NR1H4: variants seen among roughly 807,000 people sequenced by gnomAD.
NR1H4 encodes bile acid receptor.
In NR1H4, 23 loss-of-function variants were observed where a neutral mutation model predicts 58.5. The observed-to-expected ratio is 0.39, with a 90% CI of 0.28 to 0.56. The LOEUF is 0.56. Ranked by LOEUF, NR1H4 falls within the 20% of genes least tolerant of loss-of-function variation. The probability of loss-of-function intolerance (pLI) is 0.58; values close to 1 mark genes in which losing one functional copy is unlikely to be tolerated. For missense variants in NR1H4, 487 were observed against 576.9 expected (o/e 0.84, Z 1.60); for synonymous variants, 214 against 198.0 (o/e 1.08, Z -0.68).
intron 4 of NR1H4, among the ~76,000 whole-genome samples, chr12:100,527,677 T>C (rs1215841637): frequency 6.6e-6 from 1 of 152,234 alleles, no homozygotes; most frequent in African/African-American, 2.4e-5. Context: ...TAATAGTATG[T>C]GATGTTCCCC....
intron 4 of NR1H4, among the ~76,000 whole-genome samples, chr12:100,521,295 A>C (rs1328497371): frequency 1.3e-5 from 2 of 152,226 alleles, no homozygotes; most frequent in African/African-American, 2.4e-5. Context: ...CAATTTTTGT[A>C]AGTAATAACT....
intron 9 of NR1H4, among the ~76,000 whole-genome samples, chr12:100,560,436 C>G (rs1014099454): frequency 1.3e-5 from 2 of 152,152 alleles, no homozygotes; most frequent in African/African-American, 4.8e-5. Context: ...CACTCCTGAA[C>G]CCAGCGAGAC....
At chr12:100,503,590 T>C (rs981087811) in intron 3 of NR1H4, 22 of 1,282,866 alleles carry the variant, frequency 1.7e-5, no homozygotes, top group Admixed American at 2.7e-5. Flanking sequence ...GTAACAGATG[T>C]CTGTCAAAGA....
At position 100,532,543 on chromosome 12, in the gene NR1H4, A is replaced by G. The variant is rs1234464449; in HGVS notation, c.531A>G (p.Arg177=). 4 of 1,614,236 alleles carry G rather than the reference A, an allele frequency of 2.5e-6. No homozygotes were observed. Among genetic ancestry groups the G allele is most frequent in the Non-Finnish European group, 2.5e-6 (3 of 1,180,018 alleles). ...GNCVMDMYMR[R]KCQECRLRKC... Reference sequence around the variant, plus strand: ...GTGTGATGGATATGTACATGCGAAGAAAGTGTCAAGAGTGTCGACTAAGGA... The same window carrying G: ...GTGTGATGGATATGTACATGCGAAGGAAGTGTCAAGAGTGTCGACTAAGGA... The change falls in exon 5 of 11, where the codon AGA becomes AGG. Residue 177 remains arginine, a synonymous_variant. Coordinates refer to ENST00000392986, the MANE Select transcript of NR1H4 (RefSeq NM_001206979.2).
At chr12:100,487,595 C>CTTTTTTTTTT (rs34694873) in intron 1 of NR1H4, among the ~76,000 whole-genome samples, 9 of 115,984 alleles carry the variant, frequency 7.8e-5, no homozygotes, top group Admixed American at 1.1e-4. Flanking sequence ...TCTTCTTCTT[C>CTTTTTTTTTT]TTTTTTTTTT....
intron 3 of NR1H4, among the ~76,000 whole-genome samples, chr12:100,502,610 G>A (rs542430152): frequency 6.6e-5 from 10 of 152,026 alleles, no homozygotes; most frequent in South Asian, 2.1e-4. Flanking sequence ...GAGGTACTGG[G>A]GTTTAAGGCT....
At chr12:100,542,505 T>C (rs753673370) in intron 9 of NR1H4, among the ~76,000 whole-genome samples, 1 of 152,208 alleles carries the variant, frequency 6.6e-6, no homozygotes, top group African/African-American at 2.4e-5. Flanking sequence ...TTCTGTGCAA[T>C]TTATCTTAGG....
chr12:100,529,642 C>T (rs916689793), intron 4 of NR1H4, among the ~76,000 whole-genome samples: 19 of 152,018 alleles, frequency 1.2e-4, no homozygotes, highest in African/African-American at 2.2e-4. Flanking sequence ...CTCATTTTTC[C>T]GAATGTCTTT....
intron 4 of NR1H4, among the ~76,000 whole-genome samples, chr12:100,526,890 A>G (rs572285764): frequency 1.3e-5 from 2 of 152,346 alleles, no homozygotes; most frequent in South Asian, 4.1e-4. Flanking sequence ...TCGAAAACAA[A>G]AATCCTATGT....
chr12:100,530,925 G>T (rs1336498086), intron 4 of NR1H4, among the ~76,000 whole-genome samples: 7 of 152,190 alleles, frequency 4.6e-5, no homozygotes, highest in Admixed American at 6.5e-5. Context: ...CACCCGAGAA[G>T]TTGAAAGGCA....
intron 1 of NR1H4, among the ~76,000 whole-genome samples, chr12:100,487,673 G>A (rs546821482): frequency 2.0e-5 from 3 of 149,054 alleles, no homozygotes; most frequent in East Asian, 2.0e-4. Flanking sequence ...GTGCAGTGGC[G>A]TGATCTCGAG....
chr12:100,554,624 G>A (rs1431182670), intron 9 of NR1H4, among the ~76,000 whole-genome samples: 2 of 151,886 alleles, frequency 1.3e-5, no homozygotes, highest in Admixed American at 1.3e-4. Flanking sequence ...AACAGGAGCA[G>A]AAACATAACA....
At chr12:100,520,943 C>T (rs1325199423) in intron 4 of NR1H4, among the ~76,000 whole-genome samples, 1 of 152,152 alleles carries the variant, frequency 6.6e-6, no homozygotes, top group Non-Finnish European at 1.5e-5. Context: ...ATTTATTCCT[C>T]TGAGCCTCAG....
intron 4 of NR1H4, among the ~76,000 whole-genome samples, chr12:100,527,426 A>G (rs543001823): frequency 2.0e-5 from 3 of 152,074 alleles, no homozygotes; most frequent in Non-Finnish European, 4.4e-5. Flanking sequence ...CCAGCTACTC[A>G]GGAGGCTGAG....
intron 9 of NR1H4, among the ~76,000 whole-genome samples, chr12:100,559,728 G>C (rs532258480): frequency 6.6e-6 from 1 of 152,184 alleles, no homozygotes; most frequent in African/African-American, 2.4e-5. Context: ...GCTCCACGGC[G>C]CCCAGTCCCA....
chr12:100,526,637 C>T (rs920404919), intron 4 of NR1H4, among the ~76,000 whole-genome samples: 2 of 152,186 alleles, frequency 1.3e-5, no homozygotes, highest in African/African-American at 4.8e-5. Context: ...AAGTGAACAA[C>T]TCAGCCACAG....
intron 9 of NR1H4, among the ~76,000 whole-genome samples, chr12:100,555,225 T>C (rs1955295332): frequency 6.6e-6 from 1 of 152,242 alleles, no homozygotes; most frequent in Admixed American, 6.5e-5. Flanking sequence ...AATCTTCATG[T>C]ACTATTTAAT....
At chr12:100,534,841 C>T (rs1372183098) in intron 5 of NR1H4, 49 bp from the exon 6 acceptor site, 8 of 1,611,580 alleles carry the variant, frequency 5.0e-6, no homozygotes, top group Non-Finnish European at 6.8e-6. Context: ...ACCACACACC[C>T]AACAGTACTT....
chr12:100,498,413 C>T (rs1461332219), intron 3 of NR1H4, among the ~76,000 whole-genome samples: 1 of 152,030 alleles, frequency 6.6e-6, no homozygotes, highest in Non-Finnish European at 1.5e-5. Flanking sequence ...CCAAGGCAGG[C>T]GGATCACCAG....
Sources: allele counts gnomAD v4.1 joint callset (sites outside exome capture counted in the v4.1 genomes callset), GRCh38; gene constraint gnomAD v4.1.1; transcripts MANE v1.5; gene names NCBI Gene and HGNC (gene_info 2026-07-23, HGNC 2026-07-21).